The following SPAG17 variants were observed in gnomAD, a reference collection of about 807,000 sequenced individuals.
The protein encoded by SPAG17 is sperm associated antigen 17.
A neutral mutation model predicts 273.6 loss-of-function variants in SPAG17; 169 were observed. That is an observed-to-expected ratio of 0.62 (90% CI 0.55 to 0.70). The LOEUF (loss-of-function observed/expected upper bound fraction) is 0.70, where lower values mean the gene tolerates loss of function less well. Ranked by LOEUF, SPAG17 falls within the 30% of genes least tolerant of loss-of-function variation. The pLI is 0.00. For synonymous variants in SPAG17, 825 were observed against 873.2 expected (o/e 0.94, Z 0.97); for missense variants, 2,557 against 2,627.8 (o/e 0.97, Z 0.59).
chr1:118,013,329 G>T (rs993079388), intron 29 of SPAG17, among the ~76,000 whole-genome samples: 2 of 152,176 alleles, frequency 1.3e-5, no homozygotes, highest in African/African-American at 4.8e-5. Context: ...ATTTTCACCT[G>T]TTTAGCTCTT....
intron 4 of SPAG17, among the ~76,000 whole-genome samples, chr1:118,111,135 A>AT (rs1656731657): frequency 6.6e-6 from 1 of 152,166 alleles, no homozygotes; most frequent in Admixed American, 6.5e-5. Flanking sequence ...GCTTTTCCAT[A>AT]TTTTAAAGTA....
intron 42 of SPAG17, among the ~76,000 whole-genome samples, chr1:117,983,004 A>G (rs768034623): frequency 6.6e-6 from 1 of 152,270 alleles, no homozygotes; most frequent in Admixed American, 6.5e-5. Flanking sequence ...ATAGGATTGT[A>G]TTAGTCGGTT....
chr1:118,161,293 G>A (rs911653703), intron 1 of SPAG17, among the ~76,000 whole-genome samples: 2 of 152,178 alleles, frequency 1.3e-5, no homozygotes, highest in African/African-American at 4.8e-5. Flanking sequence ...TCAGGACATA[G>A]CAATTGTGCT....
chr1:118,001,945 C>T (rs972064734), intron 32 of SPAG17, among the ~76,000 whole-genome samples: 1 of 152,188 alleles, frequency 6.6e-6, no homozygotes, highest in Non-Finnish European at 1.5e-5. Flanking sequence ...TTCCTGCTTT[C>T]TCTCATGGGC....
At position 118,016,431 on chromosome 1, in the gene SPAG17, C is replaced by A. The variant is rs369094664; in HGVS notation, c.4070-249G>T. 5.8e-4 allele frequency among the ~76,000 whole-genome samples: 89 copies of A among 152,268 alleles called. 1 individual carries two copies. In the East Asian group the frequency reaches 0.013, roughly 23 times the overall value. On this transcript the variant is annotated intron_variant, in intron 28 of 48. Coordinates refer to ENST00000336338, the MANE Select transcript of SPAG17 (RefSeq NM_206996.4). ...CCCAGACATACACATGCTTACACAG[C>A]TCACTGTCTAGGGCACAAAAAATAT...
At chr1:117,979,906 C>G (rs575062079) in intron 43 of SPAG17, among the ~76,000 whole-genome samples, 3 of 152,278 alleles carry the variant, frequency 2.0e-5, no homozygotes, top group African/African-American at 7.2e-5. Context: ...AATGTTGCCC[C>G]TCTCCCCAAG....
chr1:117,989,343 G>A (rs1288162435), intron 38 of SPAG17, among the ~76,000 whole-genome samples: 2 of 152,074 alleles, frequency 1.3e-5, no homozygotes, highest in East Asian at 3.9e-4. Context: ...TCATGGAAAT[G>A]GGGGAAGGGG....
chr1:118,080,158 G>A (rs1654424778), intron 15 of SPAG17, among the ~76,000 whole-genome samples: 1 of 152,086 alleles, frequency 6.6e-6, no homozygotes, highest in Non-Finnish European at 1.5e-5. Flanking sequence ...TCCTGCCTTG[G>A]CCTCCCAAAG....
chr1:118,150,094 A>G (rs1301471260), intron 3 of SPAG17, among the ~76,000 whole-genome samples: 1 of 152,178 alleles, frequency 6.6e-6, no homozygotes, highest in African/African-American at 2.4e-5. Flanking sequence ...CTGATGGAAA[A>G]TCACTGCAGC....
chr1:118,038,981 T>C (rs1649410865), intron 23 of SPAG17, among the ~76,000 whole-genome samples: 1 of 152,136 alleles, frequency 6.6e-6, no homozygotes, highest in South Asian at 2.1e-4. Context: ...GGGTGAGGCA[T>C]GTTAATAGTG....
chr1:118,028,591 G>A (rs1337671012), intron 25 of SPAG17, among the ~76,000 whole-genome samples, 197 bp from the exon 26 acceptor site: 1 of 152,136 alleles, frequency 6.6e-6, no homozygotes, highest in Non-Finnish European at 1.5e-5. Flanking sequence ...TGAGACAAAT[G>A]GCAGTAACAA....
Position 118,085,924 on chromosome 1 carries a change from C to T in SPAG17, c.1760G>A (p.Ser587Asn), listed in dbSNP as rs371991941. The stretch of plus-strand genomic sequence containing the variant: ...CTAAGACAAAGCAATGGACTCACCA[C>T]TCGTACAAAAGTGCATAAGCTCATG... ...TIHELMHFCT[S>N]DVLSWNEVER... The change falls in exon 13 of 49, where the codon AGT becomes AAT. Residue 587 changes from serine to asparagine, a missense_variant and splice_region_variant. Coordinates refer to ENST00000336338, the MANE Select transcript of SPAG17 (RefSeq NM_206996.4). The T allele has an allele frequency of 6.2e-7, 1 of 1,600,816 alleles. No individual in the cohort carries two copies. Among genetic ancestry groups the T allele is most frequent in the Non-Finnish European group, 8.5e-7 (1 of 1,175,356 alleles).
intron 4 of SPAG17, among the ~76,000 whole-genome samples, chr1:118,113,045 G>T (rs949295962): frequency 6.6e-6 from 1 of 151,926 alleles, no homozygotes; most frequent in African/African-American, 2.4e-5. Context: ...TTTCACCCAA[G>T]ATTTTCTATA....
At chr1:118,083,093 G>A (rs1654714844) in intron 13 of SPAG17, among the ~76,000 whole-genome samples, 1 of 152,112 alleles carries the variant, frequency 6.6e-6, no homozygotes, top group South Asian at 2.1e-4. Flanking sequence ...AAGTAGCTGG[G>A]TCTGCAGGCA....
At chr1:118,018,700 G>A (rs1660204860) in intron 28 of SPAG17, among the ~76,000 whole-genome samples, 1 of 151,860 alleles carries the variant, frequency 6.6e-6, no homozygotes, top group East Asian at 1.9e-4. Flanking sequence ...TGAGCATGGT[G>A]GTGCATGCCT....
intron 4 of SPAG17, among the ~76,000 whole-genome samples, chr1:118,107,333 C>G (rs377397802): frequency 6.6e-6 from 1 of 152,122 alleles, no homozygotes; most frequent in Non-Finnish European, 1.5e-5. Flanking sequence ...AGCACTCCAC[C>G]CACCTCAGCC....
intron 32 of SPAG17, among the ~76,000 whole-genome samples, chr1:118,004,340 C>T (rs1457121692): frequency 6.6e-6 from 1 of 152,210 alleles, no homozygotes; most frequent in East Asian, 1.9e-4. Flanking sequence ...AACCACTGCT[C>T]TCTTCAGAGC....
intron 1 of SPAG17, among the ~76,000 whole-genome samples, chr1:118,152,610 T>C (rs1452887317): frequency 1.3e-5 from 2 of 152,140 alleles, no homozygotes. Flanking sequence ...AGAAAACACA[T>C]GTAAAAGCAT....
intron 3 of SPAG17, among the ~76,000 whole-genome samples, chr1:118,118,565 A>T (rs963339392): frequency 5.9e-5 from 9 of 152,222 alleles, no homozygotes; most frequent in African/African-American, 2.2e-4. Context: ...TAACGGGCAA[A>T]TGAGACTTAT....
Sources: gnomAD v4.1 joint callset for allele counts (sites outside exome capture counted in the v4.1 genomes callset) on GRCh38, gnomAD v4.1.1 for gene constraint, MANE v1.5 for transcripts, NCBI Gene and HGNC (gene_info 2026-07-23, HGNC 2026-07-21) for gene names.